USP13: variants seen among roughly 807,000 people sequenced by gnomAD.
The protein encoded by USP13 is ubiquitin carboxyl-terminal hydrolase 13.
A neutral mutation model predicts 107.8 loss-of-function variants in USP13; 68 were observed. The ratio of observed to expected loss-of-function variants is 0.63; its 90% CI spans 0.52 to 0.77. The LOEUF is 0.77. Among genes scored for constraint, USP13 ranks in the 30% least tolerant of loss-of-function variants. The pLI is 0.00. For synonymous variants in USP13, 377 were observed against 389.5 expected (o/e 0.97, Z 0.38); for missense variants, 945 against 1,093.3 (o/e 0.86, Z 1.91).
At chr3:179,663,379 C>T (rs1390680836) in intron 1 of USP13, among the ~76,000 whole-genome samples, 1 of 152,200 alleles carries the variant, frequency 6.6e-6, no homozygotes, top group African/African-American at 2.4e-5. Context: ...TTTATCCAGT[C>T]ATCTGTCAGG....
chr3:179,770,697 C>G (rs1353490216), intron 19 of USP13, among the ~76,000 whole-genome samples: 8 of 152,032 alleles, frequency 5.3e-5, no homozygotes, highest in Non-Finnish European at 1.2e-4. Flanking sequence ...CTCCAACTCC[C>G]TGGTTCAAGC....
chr3:179,683,229 G>A (rs1711730541), intron 2 of USP13, among the ~76,000 whole-genome samples: 1 of 148,032 alleles, frequency 6.8e-6, no homozygotes, highest in African/African-American at 2.5e-5. Flanking sequence ...TTTCCTTTGA[G>A]TCTGTGGCTT....
intron 10 of USP13, among the ~76,000 whole-genome samples, chr3:179,731,162 G>A (rs1327455048): frequency 6.6e-6 from 1 of 152,152 alleles, no homozygotes; most frequent in African/African-American, 2.4e-5. Context: ...TATAATCCCG[G>A]CACTTTGGGA....
intron 1 of USP13, among the ~76,000 whole-genome samples, chr3:179,667,687 C>A (rs1398332756): frequency 6.6e-6 from 1 of 152,140 alleles, no homozygotes; most frequent in African/African-American, 2.4e-5. Flanking sequence ...GCTCTTCTTG[C>A]CCAGTCTGGA....
At chr3:179,669,771 G>A (rs1205878732) in intron 1 of USP13, among the ~76,000 whole-genome samples, 2 of 152,178 alleles carry the variant, frequency 1.3e-5, no homozygotes, top group Admixed American at 6.5e-5. Flanking sequence ...CATGTGGCTG[G>A]TGGCTACCAT....
rs888946791 is a variant in USP13 at position 179,786,094 on chromosome 3, G to T, written c.*1953G>T. ...CTTTTCTACCAAAGTGTGCCCACTG[G>T]TGTCACCTCCTAATGTTAACTTGGA... On this transcript the variant is annotated 3_prime_UTR_variant, in exon 21 of 21. Transcript: ENST00000263966. 3 of 152,164 alleles carry T rather than the reference G, an allele frequency of 2.0e-5. No individual in the cohort carries two copies. The highest frequency in any genetic ancestry group is 7.2e-5 in the African/African-American group (3 of 41,428). 9.4% of individuals were successfully genotyped at this position (152,164 alleles called of 1,614,324 possible). A position where few individuals can be genotyped will look rare whatever the true frequency, so the allele number is the denominator to read the frequency against.
chr3:179,760,334 A>T lies in USP13; in HGVS notation c.1949-778A>T, dbSNP rs546476792. Among the ~76,000 whole-genome samples the T allele has an allele frequency of 2.2e-5, 3 of 137,616 alleles. No individual in the cohort carries two copies. The East Asian group carries it at 6.5e-4, about 30-fold the overall frequency. The allele number at this position is 137,616 out of a possible 152,430, so 90.3% of individuals were successfully genotyped here. On this transcript the variant is annotated intron_variant, in intron 16 of 20. Transcript: ENST00000263966. ...AGTCTCACTCTTTCGCCCAGGCTGG[A>T]CTGCAGTGGCGCTATCCCGGCTCAC...
chr3:179,688,857 A>C (rs1711991220), intron 2 of USP13, among the ~76,000 whole-genome samples: 4 of 152,244 alleles, frequency 2.6e-5, no homozygotes, highest in Admixed American at 2.0e-4. Flanking sequence ...GAAAGGGGGA[A>C]GAAAGAGGCT....
At chr3:179,777,133 C>T (rs985658058) in intron 19 of USP13, among the ~76,000 whole-genome samples, 45 of 151,732 alleles carry the variant, frequency 3.0e-4, no homozygotes, top group Non-Finnish European at 1.5e-4. Flanking sequence ...TTATGCTAAC[C>T]TTTTAAATTT....
chr3:179,744,643 G>T (rs79463220), intron 12 of USP13, among the ~76,000 whole-genome samples: 3 of 152,178 alleles, frequency 2.0e-5, no homozygotes, highest in Non-Finnish European at 2.9e-5. Flanking sequence ...ACCTTTTCTG[G>T]CTGTGAAATA....
At chr3:179,719,739 A>G (rs1713239801) in intron 6 of USP13, among the ~76,000 whole-genome samples, 1 of 152,248 alleles carries the variant, frequency 6.6e-6, no homozygotes, top group Admixed American at 6.5e-5. Context: ...AAAGAATGAC[A>G]TATAGGTATA....
intron 6 of USP13, 31 bp downstream of exon 6, chr3:179,708,988 T>G (rs758542785): frequency 2.7e-5 from 43 of 1,603,002 alleles, no homozygotes; most frequent in Non-Finnish European, 3.3e-5. Context: ...TTTGGGAACA[T>G]GCAGTGGCTT....
At chr3:179,669,124 C>T in intron 1 of USP13, among the ~76,000 whole-genome samples, 1 of 152,128 alleles carries the variant, frequency 6.6e-6, no homozygotes, top group Non-Finnish European at 1.5e-5. Flanking sequence ...TTCCACATGC[C>T]TCTACATCTA....
In USP13 at chr3:179,745,172, A is replaced by G. The variant is rs1459852586; in HGVS notation, c.1664A>G (p.Asp555Gly). The change falls in exon 13 of 21, where the codon GAT becomes GGT. Residue 555 changes from aspartate (D) to glycine (G), a missense_variant. Asp to Gly is a moderately conservative substitution (Grantham distance 94). Coordinates refer to ENST00000263966, the MANE Select transcript of USP13 (RefSeq NM_003940.3). ...GCCTTCTCTGAACCAGAAAATGTTG[A>G]TGATTTCTGGAGCAGTGCCCTACAA... The part of the protein sequence containing the change: ...LQAFSEPENV[D>G]DFWSSALQAK... The G allele has an allele frequency of 6.2e-7, 1 of 1,605,404 alleles. No individual in the cohort carries two copies. The highest frequency in any genetic ancestry group is 8.5e-7 in the Non-Finnish European group (1 of 1,174,982).
At chr3:179,717,231 C>T (rs1009943254) in intron 6 of USP13, among the ~76,000 whole-genome samples, 2 of 152,224 alleles carry the variant, frequency 1.3e-5, no homozygotes, top group African/African-American at 4.8e-5. Context: ...ACATACAAGA[C>T]AGCATTTTCA....
At chr3:179,762,774 G>A (rs1715050018) in intron 17 of USP13, among the ~76,000 whole-genome samples, 1 of 152,178 alleles carries the variant, frequency 6.6e-6, no homozygotes. Flanking sequence ...GAATTGCCAT[G>A]TCATATGGTA....
chr3:179,789,259 G>A lies in USP13; in HGVS notation c.*5118G>A, dbSNP rs1355235685. ...CAGGTTTTGATGTTGGCTCCTGAAA[G>A]AGTTTGTATTTATTTTATTTTGCAC... On this transcript the variant is annotated 3_prime_UTR_variant, in exon 21 of 21. Coordinates refer to ENST00000263966, the MANE Select transcript of USP13 (RefSeq NM_003940.3). 1 of 152,202 alleles carries A rather than the reference G, an allele frequency of 6.6e-6. No individual in the cohort carries two copies. The highest frequency in any genetic ancestry group is 1.9e-4 in the East Asian group (1 of 5,200). The allele number at this position is 152,202 out of a possible 1,614,324, so 9.4% of individuals were successfully genotyped here.
At chr3:179,726,143 T>C (rs533367121) in intron 8 of USP13, among the ~76,000 whole-genome samples, 7 of 151,910 alleles carry the variant, frequency 4.6e-5, no homozygotes, top group Non-Finnish European at 8.8e-5. Flanking sequence ...TATCTGAGGG[T>C]CTCGGGAGGC....
intron 19 of USP13, among the ~76,000 whole-genome samples, chr3:179,772,910 G>C (rs1025664131): frequency 6.6e-6 from 1 of 152,200 alleles, no homozygotes; most frequent in Non-Finnish European, 1.5e-5. Flanking sequence ...ACCTAGGTCT[G>C]TCTTCTCTTT....
Sources: allele counts gnomAD v4.1 joint callset (sites outside exome capture counted in the v4.1 genomes callset), GRCh38; gene constraint gnomAD v4.1.1; transcripts MANE v1.5; gene names NCBI Gene and HGNC (gene_info 2026-07-23, HGNC 2026-07-21).